The following ARHGEF40 variants were observed in gnomAD, a reference collection of about 807,000 sequenced individuals.
ARHGEF40 encodes the protein Rho guanine nucleotide exchange factor (GEF) 40.
Under a neutral mutation model 165.9 loss-of-function variants are expected in ARHGEF40, and 98 were observed. The observed-to-expected ratio is 0.59, with a 90% CI of 0.50 to 0.70. ARHGEF40 has a LOEUF of 0.70. Ranked by LOEUF, ARHGEF40 falls within the 30% of genes least tolerant of loss-of-function variation. The probability of loss-of-function intolerance (pLI) is 0.00; values close to 1 mark genes in which losing one functional copy is unlikely to be tolerated. For missense variants in ARHGEF40, 1,815 were observed against 1,968.0 expected (o/e 0.92, Z 1.47); for synonymous variants, 792 against 814.3 (o/e 0.97, Z 0.47).
chr14:21,076,874 G>A lies in ARHGEF40; in HGVS notation c.2018G>A (p.Trp673Ter). The part of the protein sequence containing the change: ...GGHRDPSPSH[W>*]VEIHQEVVRL... ...CACAGGGACCCCTCTCCCAGTCACT[G>A]GGTAGAGATACACCAGGTAAGCTTC... Residue 673 changes from tryptophan (W) to a stop codon, truncating the protein, a stop_gained, in exon 8 of 24, where the codon TGG becomes TAG. Coordinates refer to ENST00000298694, the MANE Select transcript of ARHGEF40 (RefSeq NM_018071.5). LOFTEE classifies it high-confidence loss of function. The A allele has an allele frequency of 6.2e-7, 1 of 1,613,220 alleles. No homozygotes were observed. The highest frequency in any genetic ancestry group is 8.5e-7 in the Non-Finnish European group (1 of 1,179,892).
At chr14:21,078,812 C>T in intron 10 of ARHGEF40, 72 bp from the exon 11 acceptor site, 3 of 1,572,040 alleles carry the variant, frequency 1.9e-6, no homozygotes, top group Non-Finnish European at 2.6e-6. Context: ...TTGCATCCCT[C>T]AGAGGCACGG....
At chr14:21,070,180 C>T (rs1594537172), upstream of ARHGEF40, 2 of 221,378 alleles carry the variant, frequency 9.0e-6, no homozygotes, top group African/African-American at 2.9e-5. This position sits in a 1 kb window ranked among gnomAD's most constrained non-coding sequence, Gnocchi z 4.7. Flanking sequence ...CGCGCGGAGG[C>T]GGGGGCGGGC....
intron 14 of ARHGEF40, 48 bp from the exon 15 acceptor site, chr14:21,082,196 T>C: frequency 4.4e-6 from 7 of 1,577,336 alleles, no homozygotes; most frequent in Middle Eastern, 1.7e-4. Flanking sequence ...TTGTTGGGGG[T>C]ACTGGCTCCC....
At chr14:21,082,781 G>A in intron 15 of ARHGEF40, 50 bp from the exon 16 acceptor site, 2 of 1,527,918 alleles carry the variant, frequency 1.3e-6, no homozygotes, top group East Asian at 2.4e-5. Flanking sequence ...AGAGAGGCTT[G>A]TCTGCAGCGG....
chr14:21,080,288 C>CA lies in ARHGEF40; in HGVS notation c.2374-372_2374-371insA, dbSNP rs1566530778. Among the ~76,000 whole-genome samples the CA allele has an allele frequency of 1.8e-4, 27 of 151,434 alleles. 1 individual carries two copies. The highest frequency in any genetic ancestry group is 4.6e-4 in the Admixed American group (7 of 15,248). Reference sequence around the variant, plus strand: ...TTTCTCCAGGCTTGGTCCCTGGGACCGTTTCTCACCAGTTGCCAAGGCTTG... The same window carrying CA: ...TTTCTCCAGGCTTGGTCCCTGGGACCAGTTTCTCACCAGTTGCCAAGGCTTG... On this transcript the variant is annotated intron_variant, in intron 11 of 23. Coordinates refer to ENST00000298694, the MANE Select transcript of ARHGEF40 (RefSeq NM_018071.5).
rs771851653 is a variant in ARHGEF40, at chr14:21,084,012, A to G, written c.3751A>G (p.Arg1251Gly). ...GCTCCGGGAACAAGAGGCCCGTGGCAGAGACCTGCTGGCCGTGGAGGCGGT... is the reference window on the plus strand; with the variant it reads ...GCTCCGGGAACAAGAGGCCCGTGGCGGAGACCTGCTGGCCGTGGAGGCGGT... Reference protein sequence around the residue: ...QLLREQEARGRDLLAVEAVRG... With the variant: ...QLLREQEARGGDLLAVEAVRG... The change falls in exon 17 of 24, where the codon AGA becomes GGA. Residue 1251 changes from arginine to glycine, a missense_variant. Coordinates refer to ENST00000298694, the MANE Select transcript of ARHGEF40 (RefSeq NM_018071.5). 1 of 1,612,184 alleles carries G rather than the reference A, an allele frequency of 6.2e-7. No individual in the cohort carries two copies. Among genetic ancestry groups the G allele is most frequent in the South Asian group, 1.1e-5 (1 of 90,810 alleles).
chr14:21,065,030 G>T, the ARHGEF40 span, among the ~76,000 whole-genome samples: 1 of 152,116 alleles, frequency 6.6e-6, no homozygotes, highest in South Asian at 2.1e-4. Context: ...AATTAGCCAG[G>T]CCTGGTGGCG....
At position 21,070,425 on chromosome 14, in the gene ARHGEF40, G is replaced by C; in HGVS notation, c.3+26G>C. The C allele has an allele frequency of 7.1e-7, 1 of 1,405,462 alleles. No individual in the cohort carries two copies. 87.1% of individuals were successfully genotyped at this position (1,405,462 alleles called of 1,614,324 possible). The stretch of plus-strand genomic sequence containing the variant: ...GTGAGTCCAGCGTCGCAGCCCCCTG[G>C]GTCCCCTCGGCCTTCGCGCAGCCCG... On this transcript the variant is annotated intron_variant, in intron 1 of 23. Coordinates refer to ENST00000298694, the MANE Select transcript of ARHGEF40 (RefSeq NM_018071.5). The surrounding 1 kb of genome is among the most constrained non-coding windows in gnomAD (Gnocchi z 4.7).
At position 21,080,829 on chromosome 14, in the gene ARHGEF40, C is replaced by T. The variant is rs373357584; in HGVS notation, c.2497-44C>T. The T allele has an allele frequency of 1.2e-5, 19 of 1,607,874 alleles. No individual in the cohort carries two copies. In the African/African-American group the frequency reaches 2.5e-4, roughly 21 times the overall value. ...GGTGAGAGGAGGCAGGGGGAGACTA[C>T]CTAGGAGTGAGGACCAGGTCTGAGC... On this transcript the variant is annotated intron_variant, in intron 12 of 23. Transcript: ENST00000298694.
intron 15 of ARHGEF40, 49 bp downstream of exon 15, chr14:21,082,527 A>G (rs769335120): frequency 1.3e-6 from 2 of 1,507,422 alleles, no homozygotes; most frequent in Non-Finnish European, 1.8e-6. Flanking sequence ...TCTCTGTTCC[A>G]GCCTCATCCA....
In ARHGEF40 at chr14:21,082,445, C is replaced by T. The variant is rs779335008; in HGVS notation, c.3453C>T (p.His1151=). The part of the protein sequence containing the change: ...FLRELQGCAT[H]PLRIGACFLR... ...GGGAGCTTCAGGGCTGCGCCACCCA[C>T]CCCCTACGCATTGGGGCCTGCTTCC... The change falls in exon 15 of 24, where the codon CAC becomes CAT. Residue 1151 remains histidine, a synonymous_variant. Transcript: ENST00000298694. The T allele has an allele frequency of 5.0e-6, 8 of 1,602,144 alleles. No homozygotes were observed. The Admixed American group carries it at 6.8e-5, about 14-fold the overall frequency.
chr14:21,068,677 T>A (rs970950466), upstream of ARHGEF40, among the ~76,000 whole-genome samples: 10 of 152,050 alleles, frequency 6.6e-5, no homozygotes, highest in African/African-American at 2.4e-4. Context: ...ACCTGGAGAG[T>A]GTCGGTGACT....
chr14:21,078,356 C>T lies in ARHGEF40; in HGVS notation c.2131-17C>T. ...TCTCTGGTGGAACCCCAACTGGCAA[C>T]TCCTCCCTATCCCCAGGAGGCAGTG... On this transcript the variant is annotated splice_polypyrimidine_tract_variant and intron_variant, in intron 9 of 23. Transcript: ENST00000298694. The T allele has an allele frequency of 1.3e-6, 2 of 1,597,236 alleles. No individual in the cohort carries two copies. Among genetic ancestry groups the T allele is most frequent in the Non-Finnish European group, 1.7e-6 (2 of 1,169,768 alleles).
Position 21,082,406 on chromosome 14 carries a change from G to T in ARHGEF40, c.3414G>T (p.Arg1138=), listed in dbSNP as rs752726891. The T allele has an allele frequency of 1.2e-5, 20 of 1,611,340 alleles. No homozygotes were observed. The African/African-American group carries it at 2.5e-4, about 20-fold the overall frequency. ...SARERLRSFH[R]THFLRELQGC... is the part of the protein sequence containing the mutation. ...GGGAAAGGCTTCGCAGCTTCCACCGGACACACTTTCTGCGGGAGCTTCAGG... is the reference window on the plus strand; with the variant it reads ...GGGAAAGGCTTCGCAGCTTCCACCGTACACACTTTCTGCGGGAGCTTCAGG... Residue 1138 remains arginine, a synonymous_variant, in exon 15 of 24, where the codon CGG becomes CGT. Transcript: ENST00000298694.
At chr14:21,082,995 G>T in intron 16 of ARHGEF40, 78 bp downstream of exon 16, 1 of 1,311,602 alleles carries the variant, frequency 7.6e-7, no homozygotes, top group Non-Finnish European at 1.1e-6. Context: ...AATCCCTCAG[G>T]GCAAAAAACT....
Position 21,070,418 on chromosome 14 carries a change from C to A in ARHGEF40, c.3+19C>A. On this transcript the variant is annotated intron_variant, in intron 1 of 23. Transcript: ENST00000298694. This position sits in a 1 kb window ranked among gnomAD's most constrained non-coding sequence, Gnocchi z 4.7. The stretch of plus-strand genomic sequence containing the variant: ...AGCCATGGTGAGTCCAGCGTCGCAG[C>A]CCCCTGGGTCCCCTCGGCCTTCGCG... 3.6e-6 allele frequency: 5 copies of A among 1,404,886 alleles called. No individual in the cohort carries two copies. The highest frequency in any genetic ancestry group is 3.7e-6 in the Non-Finnish European group (4 of 1,088,498). 87.0% of individuals were successfully genotyped at this position (1,404,886 alleles called of 1,614,324 possible). A position where few individuals can be genotyped will look rare whatever the true frequency, so the allele number is the denominator to read the frequency against.
chr14:21,079,153 G>A, intron 11 of ARHGEF40, 143 bp downstream of exon 11: 2 of 1,192,174 alleles, frequency 1.7e-6, no homozygotes, highest in South Asian at 3.1e-5. Context: ...TTGTTGGTCA[G>A]TGTGAGATTG....
intron 17 of ARHGEF40, among the ~76,000 whole-genome samples, chr14:21,084,396 G>A (rs1888178173): frequency 1.3e-5 from 2 of 152,112 alleles, no homozygotes; most frequent in South Asian, 4.1e-4. Flanking sequence ...TTCCAGCCCT[G>A]AGGTTCCAGA....
chr14:21,062,283 T>C, the ARHGEF40 span, among the ~76,000 whole-genome samples: 4 of 152,224 alleles, frequency 2.6e-5, no homozygotes, highest in African/African-American at 9.7e-5. Context: ...GGTGATTATA[T>C]TTTCCGGTGT....
Sources: gnomAD v4.1 joint callset for allele counts (sites outside exome capture counted in the v4.1 genomes callset) on GRCh38, gnomAD v4.1.1 for gene constraint, Gnocchi (gnomAD v3.1) non-coding constraint, MANE v1.5 for transcripts, NCBI Gene and HGNC (gene_info 2026-07-23, HGNC 2026-07-21) for gene names.